CNTLN: variants seen among roughly 807,000 people sequenced by gnomAD.
CNTLN encodes centlein, also known as centlein, centrosomal protein.
In CNTLN, 212 loss-of-function variants were observed where a neutral mutation model predicts 180.0. The observed-to-expected ratio is 1.18, with a 90% confidence interval of 1.05 to 1.32. The LOEUF is 1.32. Among genes scored for constraint, CNTLN ranks in the 40% most tolerant of loss-of-function variants. The pLI, the probability that CNTLN is intolerant of heterozygous loss-of-function variation, is 0.00. For missense variants in CNTLN, 2,095 were observed against 1,610.9 expected, an observed-to-expected ratio of 1.30 and a Z score of -5.14; for synonymous variants, 722 against 563.1, an observed-to-expected ratio of 1.28 and a Z score of -3.99.
intron 1 of CNTLN, among the ~76,000 whole-genome samples, chr9:17,141,276 A>C (rs1818070865): frequency 6.6e-6 from 1 of 152,188 alleles, no homozygotes; most frequent in African/African-American, 2.4e-5. Flanking sequence ...TTATTAAATG[A>C]AATGTGCTGT....
chr9:17,162,242 G>C (rs1819732359), intron 2 of CNTLN, among the ~76,000 whole-genome samples: 1 of 152,078 alleles, frequency 6.6e-6, no homozygotes, highest in Admixed American at 6.5e-5. Context: ...AGCCTCCTGA[G>C]TAACTGGGAC....
rs1281314110 is a variant in CNTLN, at chr9:17,415,795, T to G, written c.2804T>G (p.Phe935Cys). Residue 935 changes from phenylalanine to cysteine, a missense_variant, in exon 17 of 26, where the codon TTT (phenylalanine) becomes TGT (cysteine). Phe to Cys is a radical substitution (Grantham distance 205). Transcript: ENST00000380647. ...NIDGKTPKDYFHDKNAKKPTF... is the reference protein window; with the variant it reads ...NIDGKTPKDYCHDKNAKKPTF... ...TGAAATCTTCAAATTTAGGACTATT[T>G]TCATGATAAGAATGCCAAAAAACCA... 1 of 1,598,044 alleles carries G rather than the reference T, an allele frequency of 6.3e-7. No homozygotes were observed. Among genetic ancestry groups the G allele is most frequent in the Admixed American group, 1.7e-5 (1 of 59,628 alleles).
intron 6 of CNTLN, among the ~76,000 whole-genome samples, chr9:17,280,069 A>T (rs553178278): frequency 3.2e-4 from 49 of 152,302 alleles, no homozygotes; most frequent in Non-Finnish European, 5.4e-4. Context: ...CTTCTGTAAG[A>T]ATAACTGTAA....
At chr9:17,223,352 ACT>A (rs1824267489) in intron 2 of CNTLN, among the ~76,000 whole-genome samples, 1 of 151,990 alleles carries the variant, frequency 6.6e-6, no homozygotes, top group South Asian at 2.1e-4. Context: ...TCCAGCCTTA[ACT>A]TTTTTACTGA....
intron 5 of CNTLN, among the ~76,000 whole-genome samples, chr9:17,263,103 A>G (rs1332793677): frequency 1.3e-5 from 2 of 150,780 alleles, no homozygotes; most frequent in African/African-American, 5.0e-5. Flanking sequence ...CAGGTTTGTT[A>G]CATATGTATA....
chr9:17,370,606 T>C (rs1194708597), intron 13 of CNTLN, among the ~76,000 whole-genome samples: 2 of 152,154 alleles, frequency 1.3e-5, no homozygotes, highest in African/African-American at 2.4e-5. Context: ...TAATAAATCA[T>C]CTGAAGGTAC....
intron 2 of CNTLN, among the ~76,000 whole-genome samples, chr9:17,210,525 C>G (rs138472067): frequency 6.6e-6 from 1 of 152,090 alleles, no homozygotes; most frequent in African/African-American, 2.4e-5. Flanking sequence ...AGTGAACATA[C>G]GTGTGCATGT....
At position 17,449,324 on chromosome 9, in the gene CNTLN, G is replaced by T. The variant is rs944734891; in HGVS notation, c.3115-8200G>T. ...GTGATGTTCCCCTTTCTGTGTCCAT[G>T]TGATCTCATTGTTCAATTCCCACCT... On this transcript the variant is annotated intron_variant, in intron 18 of 25. Coordinates refer to ENST00000380647, the MANE Select transcript of CNTLN (RefSeq NM_017738.4). Among the ~76,000 whole-genome samples, 55 of 140,528 alleles carry T rather than the reference G, an allele frequency of 3.9e-4. No individual in the cohort carries two copies. In the Admixed American group the frequency reaches 4.2e-3, roughly 11 times the overall value. The allele number at this position is 140,528 out of a possible 152,430, so 92.2% of individuals were successfully genotyped here.
chr9:17,366,598 G>C lies in CNTLN; in HGVS notation c.1887-19G>C. The C allele has an allele frequency of 8.0e-7, 1 of 1,242,910 alleles. No homozygotes were observed. The highest frequency in any genetic ancestry group is 1.2e-6 in the Non-Finnish European group (1 of 857,102). 77.0% of individuals were successfully genotyped at this position (1,242,910 alleles called of 1,614,324 possible). Reference sequence around the variant, plus strand: ...TAAAACAATATGGTTTTAAGTAAATGTTTATTGCTTTTTCATAGGATGAAT... The same window carrying C: ...TAAAACAATATGGTTTTAAGTAAATCTTTATTGCTTTTTCATAGGATGAAT... On this transcript the variant is annotated intron_variant, in intron 12 of 25. Coordinates refer to ENST00000380647, the MANE Select transcript of CNTLN (RefSeq NM_017738.4).
intron 10 of CNTLN, among the ~76,000 whole-genome samples, chr9:17,339,005 T>C (rs182263408): frequency 2.8e-4 from 42 of 152,336 alleles, no homozygotes; most frequent in Non-Finnish European, 4.4e-4. Context: ...TATCCTACTT[T>C]AGCAAATTTG....
intron 2 of CNTLN, among the ~76,000 whole-genome samples, chr9:17,175,242 A>T (rs975267720): frequency 6.6e-6 from 1 of 151,826 alleles, no homozygotes; most frequent in Non-Finnish European, 1.5e-5. Context: ...ATTTTCTCTT[A>T]TTTTTTTTCC....
At chr9:17,186,772 C>T (rs566200353) in intron 2 of CNTLN, among the ~76,000 whole-genome samples, 8 of 152,212 alleles carry the variant, frequency 5.3e-5, no homozygotes, top group African/African-American at 1.9e-4. Context: ...ATTTGATCCT[C>T]CATATATGGA....
At chr9:17,241,493 T>C (rs563555186) in intron 5 of CNTLN, among the ~76,000 whole-genome samples, 39 of 152,256 alleles carry the variant, frequency 2.6e-4, no homozygotes, top group African/African-American at 9.4e-4. Flanking sequence ...GTGATGTGAT[T>C]CCTCCAGTTT....
intron 12 of CNTLN, among the ~76,000 whole-genome samples, chr9:17,353,212 TC>T (rs1398469513): frequency 1.3e-5 from 2 of 151,720 alleles, no homozygotes; most frequent in Non-Finnish European, 2.9e-5. Flanking sequence ...CATGTCAGCC[TC>T]CCAGAGTACT....
At chr9:17,472,066 A>G (rs1333095271) in intron 23 of CNTLN, among the ~76,000 whole-genome samples, 4 of 152,124 alleles carry the variant, frequency 2.6e-5, no homozygotes, top group Non-Finnish European at 5.9e-5. Context: ...TATGAAGTAT[A>G]TTTCAACCAA....
chr9:17,159,572 C>G (rs1482227908), intron 2 of CNTLN, among the ~76,000 whole-genome samples: 1 of 152,174 alleles, frequency 6.6e-6, no homozygotes, highest in Non-Finnish European at 1.5e-5. Flanking sequence ...ACCCACTGCT[C>G]AATTGCACTT....
chr9:17,480,223 A>C (rs1045833722), intron 23 of CNTLN, among the ~76,000 whole-genome samples: 3 of 152,128 alleles, frequency 2.0e-5, no homozygotes, highest in Non-Finnish European at 2.9e-5. Context: ...GTACCAAAAA[A>C]TCAACAAACA....
intron 7 of CNTLN, chr9:17,299,036 G>A: frequency 1.8e-6 from 1 of 568,074 alleles, no homozygotes. Flanking sequence ...AAGGTCAAGA[G>A]ATCGAGACCA....
At chr9:17,331,275 A>G (rs1055520865) in intron 9 of CNTLN, among the ~76,000 whole-genome samples, 3 of 151,750 alleles carry the variant, frequency 2.0e-5, no homozygotes, top group Admixed American at 1.3e-4. Flanking sequence ...TAACTTCTGC[A>G]CTTGTTATAT....
Sources: allele counts gnomAD v4.1 joint callset (sites outside exome capture counted in the v4.1 genomes callset), GRCh38; gene constraint gnomAD v4.1.1; transcripts MANE v1.5; gene names NCBI Gene and HGNC (gene_info 2026-07-23, HGNC 2026-07-21).